PLCE1: variants seen among roughly 807,000 people sequenced by gnomAD.
PLCE1 encodes 1-phosphatidylinositol 4,5-bisphosphate phosphodiesterase epsilon-1.
In PLCE1, 119 loss-of-function variants were observed where a neutral mutation model predicts 242.8. The ratio of observed to expected loss-of-function variants is 0.49; its 90% CI spans 0.42 to 0.57. The LOEUF is 0.57. Among genes scored for constraint, PLCE1 ranks in the 20% least tolerant of loss-of-function variants. The pLI is 0.00. For synonymous variants in PLCE1, 945 were observed against 1,017.4 expected (o/e 0.93, Z 1.35); for missense variants, 2,441 against 2,788.8 (o/e 0.88, Z 2.81).
rs768754811 is a variant in PLCE1 at position 94,279,811 on chromosome 10, G to C, written c.4695G>C (p.Gln1565His). ...ATCAGTTAGCATCTATGCAAGTGCAGGCTTATAATGGTGGGAATGCCAACC... is the reference window on the plus strand; with the variant it reads ...ATCAGTTAGCATCTATGCAAGTGCACGCTTATAATGGTGGGAATGCCAACC... ...KAHQLASMQV[Q>H]AYNGGNANPR... Residue 1565 changes from glutamine to histidine, a missense_variant, in exon 20 of 33, where the codon CAG becomes CAC. Physicochemically the swap from Gln to His is conservative, Grantham distance 24. This residue lies in a region of PLCE1 where 1,004 missense variants were observed against 1,322.7 expected (regional missense o/e 0.76). Coordinates refer to ENST00000371380, the MANE Select transcript of PLCE1 (RefSeq NM_016341.4). 1.2e-6 allele frequency: 2 copies of C among 1,613,730 alleles called. No homozygotes were observed. The highest frequency in any genetic ancestry group is 2.2e-5 in the South Asian group (2 of 91,072).
chr10:94,144,334 C>G (rs1385155578), intron 3 of PLCE1, among the ~76,000 whole-genome samples: 1 of 152,090 alleles, frequency 6.6e-6, no homozygotes, highest in Non-Finnish European at 1.5e-5. Context: ...TGTGTGCATA[C>G]ATGGAGTATA....
At chr10:94,206,199 T>C (rs1589345578) in intron 4 of PLCE1, among the ~76,000 whole-genome samples, 1 of 152,158 alleles carries the variant, frequency 6.6e-6, no homozygotes, top group Non-Finnish European at 1.5e-5. Context: ...GTTGAGGGAA[T>C]GAGCTACCTG....
At chr10:94,166,326 T>A (rs1383965937) in intron 3 of PLCE1, among the ~76,000 whole-genome samples, 1 of 152,192 alleles carries the variant, frequency 6.6e-6, no homozygotes, top group Non-Finnish European at 1.5e-5. Flanking sequence ...GAATACACGT[T>A]TAAAATTTTG....
intron 3 of PLCE1, among the ~76,000 whole-genome samples, chr10:94,146,088 C>A (rs2047102849): frequency 6.6e-6 from 1 of 152,084 alleles, no homozygotes; most frequent in South Asian, 2.1e-4. Context: ...CATTAGAGAG[C>A]CATTGCAGAC....
At chr10:94,016,654 A>G (rs755540583) in intron 1 of PLCE1, among the ~76,000 whole-genome samples, 4 of 152,210 alleles carry the variant, frequency 2.6e-5, no homozygotes, top group Non-Finnish European at 5.9e-5. Flanking sequence ...AATTCTGTAA[A>G]AGATCTATGT....
intron 2 of PLCE1, among the ~76,000 whole-genome samples, chr10:94,043,217 A>G (rs2061804523): frequency 6.6e-6 from 1 of 152,182 alleles, no homozygotes; most frequent in South Asian, 2.1e-4. Flanking sequence ...ACACAAAACT[A>G]CAGAGGAGGC....
At chr10:94,118,905 AT>A (rs755109172) in intron 2 of PLCE1, among the ~76,000 whole-genome samples, 25 of 152,100 alleles carry the variant, frequency 1.6e-4, no homozygotes, top group Admixed American at 3.9e-4. Flanking sequence ...CGACCCGTCC[AT>A]TTTTTTGTAG....
chr10:94,231,258 T>C (rs2050133765), intron 5 of PLCE1, among the ~76,000 whole-genome samples: 1 of 152,206 alleles, frequency 6.6e-6, no homozygotes, highest in African/African-American at 2.4e-5. Context: ...ACTTCATTAC[T>C]CACACAATAA....
intron 13 of PLCE1, among the ~76,000 whole-genome samples, chr10:94,261,030 G>C (rs1589436014): frequency 6.6e-6 from 1 of 152,174 alleles, no homozygotes; most frequent in South Asian, 2.1e-4. Flanking sequence ...AGGATTCACT[G>C]TTTGTGTTGT....
At chr10:94,042,239 G>T (rs557395845) in intron 2 of PLCE1, among the ~76,000 whole-genome samples, 2 of 152,258 alleles carry the variant, frequency 1.3e-5, no homozygotes, top group South Asian at 2.1e-4. Flanking sequence ...GTAGTAGAAG[G>T]GCAGAGGATT....
chr10:94,321,870 A>G (rs2053819202), intron 29 of PLCE1, 31 bp from the exon 30 acceptor site: 1 of 1,539,256 alleles, frequency 6.5e-7, no homozygotes, highest in African/African-American at 1.4e-5. Flanking sequence ...TAAACCTATT[A>G]TTTACTCACA....
chr10:94,280,768 C>T (rs2052179371), intron 20 of PLCE1: 1 of 152,090 alleles, frequency 6.6e-6, no homozygotes, highest in Admixed American at 6.6e-5. Context: ...AACCATTTAC[C>T]ATTAAGTTGT....
intron 3 of PLCE1, among the ~76,000 whole-genome samples, chr10:94,146,951 A>G (rs919904326): frequency 1.3e-5 from 2 of 152,182 alleles, no homozygotes; most frequent in African/African-American, 2.4e-5. Flanking sequence ...CACATTTTCC[A>G]TGGACAGGGT....
intron 1 of PLCE1, among the ~76,000 whole-genome samples, chr10:94,001,824 G>C (rs902993818): frequency 1.3e-5 from 2 of 152,206 alleles, no homozygotes; most frequent in African/African-American, 4.8e-5. Flanking sequence ...GCCCTCTCTA[G>C]TAGCCTGTTT....
At chr10:94,284,097 T>C (rs1474088443) in intron 21 of PLCE1, among the ~76,000 whole-genome samples, 186 bp downstream of exon 21, 1 of 152,202 alleles carries the variant, frequency 6.6e-6, no homozygotes, top group Non-Finnish European at 1.5e-5. Flanking sequence ...AGTTAGTCAC[T>C]GATTCATCCA....
chr10:94,271,553 A>G (rs2051738655), intron 18 of PLCE1, among the ~76,000 whole-genome samples: 1 of 151,846 alleles, frequency 6.6e-6, no homozygotes, highest in South Asian at 2.1e-4. Context: ...TGACCTCATG[A>G]TCCACCCACC....
rs752237635 is a variant in PLCE1, at chr10:94,262,629, C to T, written c.3950C>T (p.Thr1317Ile). ...ACAAATGGCACTGGGATTGAGAGCA[C>T]ATCTCTGGGCATTTTTGGGGTGGGC... is the stretch of plus-strand genomic sequence containing the variant. ...IVTNGTGIESTSLGIFGVGIL... is the reference protein window; with the variant it reads ...IVTNGTGIESISLGIFGVGIL... Residue 1317 changes from threonine (T) to isoleucine (I), a missense_variant, in exon 14 of 33, where the codon ACA (threonine) becomes ATA (isoleucine). Transcript: ENST00000371380. 9 of 1,613,946 alleles carry T rather than the reference C, an allele frequency of 5.6e-6. No individual in the cohort carries two copies. The highest frequency in any genetic ancestry group is 1.7e-6 in the Non-Finnish European group (2 of 1,179,964).
Position 94,031,237 on chromosome 10 carries a change from C to G in PLCE1, c.191C>G (p.Pro64Arg). 1 of 1,613,788 alleles carries G rather than the reference C, an allele frequency of 6.2e-7. No individual in the cohort carries two copies. Among genetic ancestry groups the G allele is most frequent in the Non-Finnish European group, 8.5e-7 (1 of 1,179,864 alleles). ...ISQLNKLKEE[P>R]SGSNLPKILS... ...CAACTGAACAAACTTAAAGAAGAAC[C>G]TTCTGGAAGCAACTTGCCAAAGATT... Residue 64 changes from proline to arginine, a missense_variant, in exon 2 of 33, where the codon CCT (proline) becomes CGT (arginine). Physicochemically the swap from Pro to Arg is moderately radical, Grantham distance 103. Transcript: ENST00000371380.
intron 13 of PLCE1, 113 bp downstream of exon 13, chr10:94,259,263 G>C: frequency 1.9e-6 from 2 of 1,060,560 alleles, no homozygotes; most frequent in Non-Finnish European, 2.9e-6. Flanking sequence ...TATTACTGCT[G>C]TGTAGGGAAA....
Sources: gnomAD v4.1 joint callset for allele counts (sites outside exome capture counted in the v4.1 genomes callset) on GRCh38, gnomAD v4.1.1 for gene constraint, gnomAD v4.1.1 regional missense constraint, MANE v1.5 for transcripts, NCBI Gene and HGNC (gene_info 2026-07-23, HGNC 2026-07-21) for gene names.